The following AUTS2 variants were observed in gnomAD, a reference collection of about 807,000 sequenced individuals.
AUTS2 encodes the protein activator of transcription and developmental regulator AUTS2.
A neutral mutation model predicts 112.4 loss-of-function variants in AUTS2; 17 were observed. The ratio of observed to expected loss-of-function variants is 0.15; its 90% CI spans 0.10 to 0.23. The LOEUF is 0.23. AUTS2 is among the 10% of genes least tolerant of loss of function. The probability of loss-of-function intolerance (pLI) is 1.00; values close to 1 mark genes in which losing one functional copy is unlikely to be tolerated. For synonymous variants in AUTS2, 751 were observed against 702.7 expected (o/e 1.07, Z -1.09); for missense variants, 1,510 against 1,701.6 (o/e 0.89, Z 1.98).
At chr7:70,539,813 C>G (rs527273263) in intron 5 of AUTS2, among the ~76,000 whole-genome samples, 1 of 152,028 alleles carries the variant, frequency 6.6e-6, no homozygotes, top group African/African-American at 2.4e-5. Context: ...GTCTGCTGTG[C>G]GGGAAGAAAG....
chr7:70,683,679 A>C (rs1808318619), intron 5 of AUTS2, among the ~76,000 whole-genome samples: 1 of 152,252 alleles, frequency 6.6e-6, no homozygotes, highest in South Asian at 2.1e-4. Flanking sequence ...CAGATCTGTA[A>C]ATGGAAATTA....
In AUTS2 at chr7:70,334,166, C is replaced by G. The variant is rs183169493; in HGVS notation, c.661-101586C>G. ...TAAAAGCAGGCATCTTCATCTTGTT[C>G]ATGATCTTAGGAAGAAAAGCTTTGT... On this transcript the variant is annotated intron_variant, in intron 4 of 18. Transcript: ENST00000342771. Among the ~76,000 whole-genome samples the G allele has an allele frequency of 2.6e-5, 4 of 152,230 alleles. No homozygotes were observed. The East Asian group carries it at 7.7e-4, about 29-fold the overall frequency.
chr7:70,451,416 G>A (rs763234815), intron 5 of AUTS2, among the ~76,000 whole-genome samples: 2 of 151,740 alleles, frequency 1.3e-5, no homozygotes, highest in African/African-American at 4.8e-5. Context: ...ATTAATCGTA[G>A]CACTTGATAT....
chr7:69,806,168 C>G (rs1790294375), intron 1 of AUTS2, among the ~76,000 whole-genome samples: 1 of 132,638 alleles, frequency 7.5e-6, no homozygotes. Context: ...AGTGGGATTA[C>G]AGATGGGAGC....
chr7:69,648,119 A>G (rs1234225491), intron 1 of AUTS2, among the ~76,000 whole-genome samples: 1 of 152,172 alleles, frequency 6.6e-6, no homozygotes, highest in Non-Finnish European at 1.5e-5. Context: ...TTAAACCCAT[A>G]ACAGAGTTCT....
intron 4 of AUTS2, among the ~76,000 whole-genome samples, chr7:70,351,904 T>C (rs1011510681): frequency 2.6e-5 from 4 of 152,096 alleles, no homozygotes; most frequent in African/African-American, 9.7e-5. Context: ...GGTTTCACCA[T>C]GTTAGCCAGG....
chr7:70,648,291 A>G (rs1028767721), intron 5 of AUTS2, among the ~76,000 whole-genome samples: 1 of 152,086 alleles, frequency 6.6e-6, no homozygotes, highest in Non-Finnish European at 1.5e-5. Flanking sequence ...TGATGCCGTC[A>G]GCTCACTGAG....
intron 4 of AUTS2, among the ~76,000 whole-genome samples, chr7:70,187,760 T>C (rs961728661): frequency 2.3e-4 from 35 of 150,150 alleles, no homozygotes; most frequent in African/African-American, 8.5e-4. Context: ...CTGTCAGACA[T>C]ACTCAACTAG....
rs1002224437 is a variant in AUTS2, at chr7:70,774,190, T to A, written c.1902+91T>A. ...GCCCAGTGCTCGCATCTTCCTTAGC[T>A]CCTTTGAGCGAGCTGCTGTTTCAGC... On this transcript the variant is annotated intron_variant, in intron 12 of 18. Transcript: ENST00000342771. The A allele has an allele frequency of 1.0e-5, 12 of 1,191,972 alleles. No individual in the cohort carries two copies. In the Admixed American group the frequency reaches 1.7e-4, roughly 17 times the overall value. The allele number at this position is 1,191,972 out of a possible 1,614,324, so 73.8% of individuals were successfully genotyped here.
At chr7:70,730,079 T>G (rs546917744) in intron 6 of AUTS2, among the ~76,000 whole-genome samples, 2 of 152,282 alleles carry the variant, frequency 1.3e-5, no homozygotes, top group South Asian at 4.1e-4. Flanking sequence ...AGATGGAGTT[T>G]CACTCTGTTG....
intron 1 of AUTS2, among the ~76,000 whole-genome samples, chr7:69,714,245 G>GTA (rs3072322): frequency 1.5e-5 from 2 of 132,724 alleles, no homozygotes; most frequent in Non-Finnish European, 3.1e-5. Context: ...GCATGTGTGT[G>GTA]TATATGTGTG....
chr7:70,308,258 G>C (rs1036977233), intron 4 of AUTS2, among the ~76,000 whole-genome samples: 2 of 152,196 alleles, frequency 1.3e-5, no homozygotes, highest in African/African-American at 4.8e-5. Context: ...GTGGGCCCCA[G>C]GAGTTATAAC....
chr7:69,933,477 G>A (rs1033917564), intron 2 of AUTS2, among the ~76,000 whole-genome samples: 4 of 152,006 alleles, frequency 2.6e-5, no homozygotes, highest in Admixed American at 6.6e-5. Context: ...TCAGGACTTC[G>A]GCTCCCTGTG....
intron 4 of AUTS2, among the ~76,000 whole-genome samples, chr7:70,354,114 G>A (rs558618903): frequency 3.3e-5 from 5 of 152,336 alleles, no homozygotes; most frequent in African/African-American, 1.2e-4. Context: ...CTTTCTAGCA[G>A]ATTTAAGTTT....
intron 1 of AUTS2, among the ~76,000 whole-genome samples, chr7:69,655,759 G>A (rs1795499814): frequency 6.6e-6 from 1 of 152,174 alleles, no homozygotes; most frequent in African/African-American, 2.4e-5. Context: ...AGGAAGTTGG[G>A]GGAGTGTCTC....
At chr7:70,326,690 C>G (rs1178882931) in intron 4 of AUTS2, among the ~76,000 whole-genome samples, 1 of 152,070 alleles carries the variant, frequency 6.6e-6, no homozygotes, top group African/African-American at 2.4e-5. Context: ...GAGATCAAGT[C>G]TATTTTACTC....
chr7:70,455,793 TAAA>T (rs1008180180), intron 5 of AUTS2, among the ~76,000 whole-genome samples: 5 of 151,692 alleles, frequency 3.3e-5, no homozygotes, highest in African/African-American at 1.2e-4. Context: ...TCGCTACAAT[TAAA>T]AAAAAGAAGT....
At chr7:70,241,877 T>G (rs1812633673) in intron 4 of AUTS2, among the ~76,000 whole-genome samples, 1 of 152,172 alleles carries the variant, frequency 6.6e-6, no homozygotes, top group African/African-American at 2.4e-5. Flanking sequence ...CTGCCGACTT[T>G]GAGAGGCCTG....
intron 2 of AUTS2, among the ~76,000 whole-genome samples, chr7:69,904,931 A>G (rs1462446619): frequency 6.6e-6 from 1 of 152,220 alleles, no homozygotes; most frequent in Non-Finnish European, 1.5e-5. Flanking sequence ...ACATCAGGTA[A>G]TTGAAGAACC....
Sources: allele counts gnomAD v4.1 joint callset (sites outside exome capture counted in the v4.1 genomes callset), GRCh38; gene constraint gnomAD v4.1.1; transcripts MANE v1.5; gene names NCBI Gene and HGNC (gene_info 2026-07-23, HGNC 2026-07-21).